Variants in PPP1R12B observed in about 807,000 individuals in gnomAD.
PPP1R12B encodes the protein myosin phosphatase target subunit 2.
A neutral mutation model predicts 126.1 loss-of-function variants in PPP1R12B; 76 were observed. The observed-to-expected ratio is 0.60, with a 90% CI of 0.50 to 0.73. The LOEUF (loss-of-function observed/expected upper bound fraction) is 0.73, where lower values mean the gene tolerates loss of function less well. PPP1R12B is among the 30% of genes least tolerant of loss of function. The pLI, the probability that PPP1R12B is intolerant of heterozygous loss-of-function variation, is 0.00. For synonymous variants in PPP1R12B, 356 were observed against 434.7 expected (o/e 0.82, Z 2.25); for missense variants, 1,052 against 1,205.1 (o/e 0.87, Z 1.88).
At chr1:202,434,983 C>T (rs1235236700) in intron 9 of PPP1R12B, among the ~76,000 whole-genome samples, 1 of 152,126 alleles carries the variant, frequency 6.6e-6, no homozygotes, top group Non-Finnish European at 1.5e-5. Context: ...GATCAAGGTA[C>T]CAGCCAGTTC....
chr1:202,434,383 AT>A (rs553585510), intron 8 of PPP1R12B, among the ~76,000 whole-genome samples: 77 of 152,258 alleles, frequency 5.1e-4, no homozygotes, highest in African/African-American at 1.7e-3. Flanking sequence ...TTATAGATGG[AT>A]TTTATATATG....
At chr1:202,533,346 A>T (rs1301515894) in intron 18 of PPP1R12B, among the ~76,000 whole-genome samples, 1 of 151,994 alleles carries the variant, frequency 6.6e-6, no homozygotes, top group African/African-American at 2.4e-5. Flanking sequence ...GCTGAAGTGC[A>T]GTAGTATGAT....
chr1:202,395,153 A>G (rs1443210736), intron 1 of PPP1R12B, among the ~76,000 whole-genome samples: 2 of 151,818 alleles, frequency 1.3e-5, no homozygotes, highest in African/African-American at 4.8e-5. Flanking sequence ...ATCAATTTGA[A>G]GAAAAAAGCT....
At chr1:202,411,270 CAAAA>C (rs771739035) in intron 1 of PPP1R12B, among the ~76,000 whole-genome samples, 23 of 59,484 alleles carry the variant, frequency 3.9e-4, no homozygotes, top group East Asian at 1.1e-3. Context: ...CTTCTGGAGG[CAAAA>C]AAAAAAAAAA....
At chr1:202,547,489 T>C (rs1685771655) in intron 18 of PPP1R12B, among the ~76,000 whole-genome samples, 1 of 152,228 alleles carries the variant, frequency 6.6e-6, no homozygotes, top group Non-Finnish European at 1.5e-5. Flanking sequence ...TGAAAGTGTG[T>C]CTGGACTTTA....
chr1:202,528,556 A>G (rs1233533734), intron 18 of PPP1R12B, among the ~76,000 whole-genome samples: 1 of 152,186 alleles, frequency 6.6e-6, no homozygotes. Context: ...CATACTCTGC[A>G]AGTGTTTGCC....
At chr1:202,504,133 G>A (rs1472334967) in intron 18 of PPP1R12B, among the ~76,000 whole-genome samples, 2 of 152,038 alleles carry the variant, frequency 1.3e-5, no homozygotes, top group Admixed American at 6.6e-5. Context: ...AGTGGCTCAC[G>A]CGTGTAATCC....
At chr1:202,375,188 CCT>C (rs1007866169) in intron 1 of PPP1R12B, among the ~76,000 whole-genome samples, 5 of 149,860 alleles carry the variant, frequency 3.3e-5, no homozygotes, top group African/African-American at 9.8e-5. Context: ...AAGTGATCTG[CCT>C]GCCTCGGCCT....
intron 1 of PPP1R12B, among the ~76,000 whole-genome samples, chr1:202,373,101 A>C (rs577861392): frequency 1.3e-5 from 2 of 151,774 alleles, no homozygotes; most frequent in African/African-American, 4.8e-5. Flanking sequence ...CGCCTGGCTA[A>C]TTTTTTGTAT....
intron 1 of PPP1R12B, among the ~76,000 whole-genome samples, chr1:202,378,524 G>A (rs928654720): frequency 6.6e-6 from 1 of 152,050 alleles, no homozygotes; most frequent in African/African-American, 2.4e-5. Context: ...CTGTCACCTA[G>A]GTTGGAGTGC....
Position 202,419,543 on chromosome 1 carries a change from A to G in PPP1R12B, c.422+2626A>G, listed in dbSNP as rs183965434. Among the ~76,000 whole-genome samples the G allele has an allele frequency of 3.9e-5, 6 of 152,330 alleles. No homozygotes were observed. The highest frequency in any genetic ancestry group is 2.6e-4 in the Admixed American group (4 of 15,298). ...CTAGAACTGGAGAAAATGGAAAAAC[A>G]GAGAGCCAAATTACTTTCTAAAAAT... On this transcript the variant is annotated intron_variant, in intron 2 of 23. Coordinates refer to ENST00000608999, the MANE Select transcript of PPP1R12B (RefSeq NM_002481.4). The surrounding 1 kb of genome is among the most constrained non-coding windows in gnomAD (Gnocchi z 4.6).
chr1:202,431,571 G>A lies in PPP1R12B; in HGVS notation c.1093G>A (p.Glu365Lys). ...ATCTAGTAGCTCCAGCTCAGAGGAG[G>A]AGGAAGGTGAAGATGAAGCTTCTGA... Reference protein sequence around the residue: ...KESSSSSSEEEEGEDEASESE... With the variant: ...KESSSSSSEEKEGEDEASESE... Residue 365 changes from glutamate to lysine, a missense_variant, in exon 8 of 24, where the codon GAG becomes AAG. Physicochemically the swap from Glu to Lys is moderately conservative, Grantham distance 56. Transcript: ENST00000608999. 2 of 1,612,838 alleles carry A rather than the reference G, an allele frequency of 1.2e-6. No homozygotes were observed. The highest frequency in any genetic ancestry group is 1.7e-6 in the Non-Finnish European group (2 of 1,179,542).
intron 18 of PPP1R12B, among the ~76,000 whole-genome samples, chr1:202,513,118 C>A (rs775829195): frequency 6.6e-6 from 1 of 152,262 alleles, no homozygotes; most frequent in East Asian, 1.9e-4. Context: ...GGATTATAGT[C>A]GTGAGCCACC....
chr1:202,421,633 C>CT (rs1247734854), intron 2 of PPP1R12B, among the ~76,000 whole-genome samples: 1 of 148,016 alleles, frequency 6.8e-6, no homozygotes, highest in East Asian at 2.0e-4. Flanking sequence ...GACCAAGACT[C>CT]TGTCTCAAAA....
intron 21 of PPP1R12B, among the ~76,000 whole-genome samples, chr1:202,566,678 T>A (rs901163386): frequency 8.5e-5 from 13 of 152,216 alleles, no homozygotes; most frequent in African/African-American, 3.1e-4. Context: ...CGTTTTTTTC[T>A]CTTCCTTCTG....
intron 10 of PPP1R12B, among the ~76,000 whole-genome samples, chr1:202,440,489 A>C (rs978896923): frequency 6.6e-6 from 1 of 152,292 alleles, no homozygotes. Flanking sequence ...TGACTTTCCC[A>C]TGAGAATTAT....
intron 18 of PPP1R12B, among the ~76,000 whole-genome samples, chr1:202,557,987 A>G (rs1433174267): frequency 1.3e-5 from 2 of 152,170 alleles, no homozygotes; most frequent in Non-Finnish European, 2.9e-5. Context: ...CAGAAGTTCA[A>G]GGATTCATTA....
chr1:202,417,029 C>G (rs189542218), intron 2 of PPP1R12B, 112 bp downstream of exon 2: 35 of 1,244,514 alleles, frequency 2.8e-5, no homozygotes, highest in Non-Finnish European at 1.1e-6. Context: ...CTCTTTATTA[C>G]AGATTACAAA....
intron 13 of PPP1R12B, among the ~76,000 whole-genome samples, chr1:202,467,994 A>T (rs1412259078): frequency 6.6e-6 from 1 of 152,014 alleles, no homozygotes; most frequent in Non-Finnish European, 1.5e-5. Context: ...GCATTTTTTC[A>T]TGTGTTTTTT....
Sources: gnomAD v4.1 joint callset for allele counts (sites outside exome capture counted in the v4.1 genomes callset) on GRCh38, gnomAD v4.1.1 for gene constraint, Gnocchi (gnomAD v3.1) non-coding constraint, MANE v1.5 for transcripts, NCBI Gene and HGNC (gene_info 2026-07-23, HGNC 2026-07-21) for gene names.